CA5A: variants seen among roughly 807,000 people sequenced by gnomAD.
CA5A encodes carbonic anhydrase 5A, also known as carbonic anhydrase 5A, mitochondrial.
In CA5A, 28 loss-of-function variants were observed where a neutral mutation model predicts 37.1. The observed-to-expected ratio is 0.75, with a 90% CI of 0.56 to 1.03. The LOEUF (loss-of-function observed/expected upper bound fraction) is 1.03. Among genes scored for constraint, CA5A ranks in the 50% least tolerant of loss-of-function variants. CA5A has a pLI of 0.00. For synonymous variants in CA5A, 171 were observed against 158.4 expected (o/e 1.08, Z -0.60); for missense variants, 444 against 399.9 (o/e 1.11, Z -0.94).
intron 5 of CA5A, among the ~76,000 whole-genome samples, chr16:87,897,724 A>G (rs765523330): frequency 1.6e-4 from 25 of 152,094 alleles, no homozygotes; most frequent in Non-Finnish European, 3.5e-4. Flanking sequence ...GGGTTTAAAA[A>G]CGGGCTCTTC....
At chr16:87,901,342 C>T (rs2055874446) in intron 5 of CA5A, among the ~76,000 whole-genome samples, 1 of 152,224 alleles carries the variant, frequency 6.6e-6, no homozygotes. Flanking sequence ...TTGGGAACTT[C>T]TGTTGAGCTC....
rs138626286 is a variant in CA5A at position 87,911,846 on chromosome 16, G to A, written c.341-6942C>T. 6.6e-6 allele frequency among the ~76,000 whole-genome samples: 1 copy of A among 152,286 alleles called. No homozygotes were observed. Among genetic ancestry groups the A allele is most frequent in the Non-Finnish European group, 1.5e-5 (1 of 68,020 alleles). On this transcript the variant is annotated intron_variant, in intron 2 of 6. Coordinates refer to ENST00000649794, the MANE Select transcript of CA5A (RefSeq NM_001739.2). This position sits in a 1 kb window ranked among gnomAD's most constrained non-coding sequence, Gnocchi z 4.6. ...TATAGGTCTGTGGCCCAGACTAGACGTTTATAAAAGGATAATGATGCCTAC... is the reference window on the plus strand; with the variant it reads ...TATAGGTCTGTGGCCCAGACTAGACATTTATAAAAGGATAATGATGCCTAC...
At chr16:87,881,994 T>G (rs1271463688) in intron 4 of CA5A, 2 of 152,296 alleles carry the variant, frequency 1.3e-5, no homozygotes, top group Non-Finnish European at 2.9e-5. Context: ...TCTTGGTGTC[T>G]TGTTGGACAC....
chr16:87,919,183 C>G (rs567814257), intron 2 of CA5A, among the ~76,000 whole-genome samples: 2 of 152,336 alleles, frequency 1.3e-5, no homozygotes, highest in East Asian at 3.9e-4. Flanking sequence ...GAGACAGCAG[C>G]AGTGGCCTTG....
At chr16:87,925,517 C>G (rs952622924) in intron 2 of CA5A, 2 of 152,374 alleles carry the variant, frequency 1.3e-5, no homozygotes, top group African/African-American at 2.4e-5. Context: ...AGCACGTGGC[C>G]CAATTCCAGA....
At chr16:87,907,959 G>T (rs1032529476) in intron 2 of CA5A, among the ~76,000 whole-genome samples, 5 of 152,204 alleles carry the variant, frequency 3.3e-5, no homozygotes, top group African/African-American at 1.2e-4. Context: ...AAAAGCGGTT[G>T]TTTCCGTCTG....
At chr16:87,915,295 C>T (rs902929095) in intron 2 of CA5A, among the ~76,000 whole-genome samples, 2 of 152,110 alleles carry the variant, frequency 1.3e-5, no homozygotes, top group Non-Finnish European at 2.9e-5. Context: ...CTCCAAGGCC[C>T]AAACTGGATT....
intron 1 of CA5A, among the ~76,000 whole-genome samples, chr16:87,930,897 C>T (rs995911908): frequency 1.7e-4 from 26 of 151,934 alleles, no homozygotes; most frequent in African/African-American, 5.8e-4. Flanking sequence ...TGTGCCACCA[C>T]GCCTGGGGAA....
chr16:87,901,283 C>T (rs1300429564), intron 5 of CA5A, among the ~76,000 whole-genome samples: 2 of 152,188 alleles, frequency 1.3e-5, no homozygotes, highest in Non-Finnish European at 2.9e-5. Context: ...GTCCCATTGG[C>T]AGGCAGATAT....
At chr16:87,903,670 A>G (rs187321487) in intron 3 of CA5A, among the ~76,000 whole-genome samples, 141 of 152,298 alleles carry the variant, frequency 9.3e-4, no homozygotes, top group African/African-American at 3.3e-3. Context: ...AGCAATTTTC[A>G]TTTTTTGGTT....
At chr16:87,898,730 T>C (rs1386027919) in intron 5 of CA5A, among the ~76,000 whole-genome samples, 1 of 101,980 alleles carries the variant, frequency 9.8e-6, no homozygotes, top group Non-Finnish European at 1.9e-5. Flanking sequence ...CTAGTGTGGA[T>C]TTTTTTTTTT....
At chr16:87,934,750 G>A (rs1357202706) in intron 1 of CA5A, among the ~76,000 whole-genome samples, 3 of 152,098 alleles carry the variant, frequency 2.0e-5, no homozygotes, top group African/African-American at 4.8e-5. Context: ...ACCTGAGGTC[G>A]GGAGTTTGAG....
chr16:87,930,929 C>T (rs138740148), intron 1 of CA5A, among the ~76,000 whole-genome samples: 342 of 151,712 alleles, frequency 2.3e-3, no homozygotes, highest in Non-Finnish European at 3.8e-3. Context: ...TTAGTAGAGA[C>T]GGGGTTTCAC....
At chr16:87,907,645 C>G (rs1489968138) in intron 2 of CA5A, among the ~76,000 whole-genome samples, 2 of 152,282 alleles carry the variant, frequency 1.3e-5, no homozygotes, top group African/African-American at 2.4e-5. Context: ...TGTTTCTAGG[C>G]TGGGTGTGGT....
chr16:87,904,639 C>A, intron 3 of CA5A, 147 bp downstream of exon 3: 2 of 559,218 alleles, frequency 3.6e-6, no homozygotes, highest in Non-Finnish European at 6.5e-6. Context: ...GGTGGGGCGG[C>A]CGACGGTTCT....
chr16:87,896,521 C>T (rs570910946), intron 5 of CA5A, among the ~76,000 whole-genome samples: 11 of 152,198 alleles, frequency 7.2e-5, no homozygotes, highest in Non-Finnish European at 1.0e-4. Flanking sequence ...GGTGAGCACA[C>T]CAATGAGGCT....
In CA5A at chr16:87,931,135, T is replaced by C. The variant is rs150861005; in HGVS notation, c.143-4190A>G. Among the ~76,000 whole-genome samples, 699 of 147,608 alleles carry C rather than the reference T, an allele frequency of 4.7e-3. 7 individuals carry two copies. Among genetic ancestry groups the C allele is most frequent in the African/African-American group, 0.016 (659 of 39,982 alleles). Reference sequence around the variant, plus strand: ...AATTTTTTTTTTTTTTTTTTGAGATTGAGTCTCACTCTGTTGCCAGGGCTG... The same window carrying C: ...AATTTTTTTTTTTTTTTTTTGAGATCGAGTCTCACTCTGTTGCCAGGGCTG... On this transcript the variant is annotated intron_variant, in intron 1 of 6. Transcript: ENST00000649794.
chr16:87,888,845 C>G (rs186983429), intron 6 of CA5A, among the ~76,000 whole-genome samples: 6 of 152,216 alleles, frequency 3.9e-5, no homozygotes, highest in Non-Finnish European at 7.4e-5. Flanking sequence ...CTCCGCCTCC[C>G]AGGTTCAAGC....
rs1444048009 is a variant in CA5A at position 87,932,340 on chromosome 16, C to T, written c.142+3969G>A. Among the ~76,000 whole-genome samples the T allele has an allele frequency of 2.6e-5, 4 of 152,318 alleles. No individual in the cohort carries two copies. In the East Asian group the frequency reaches 7.7e-4, roughly 29 times the overall value. On this transcript the variant is annotated intron_variant, in intron 1 of 6. Coordinates refer to ENST00000649794, the MANE Select transcript of CA5A (RefSeq NM_001739.2). The stretch of plus-strand genomic sequence containing the variant: ...AGACCAGAGACGCAGGCTTCCCTGG[C>T]TCACAGAGACACAGGTTGTGGGAAG...
Sources: allele counts gnomAD v4.1 joint callset (sites outside exome capture counted in the v4.1 genomes callset), GRCh38; gene constraint gnomAD v4.1.1; non-coding constraint Gnocchi (gnomAD v3.1); transcripts MANE v1.5; gene names NCBI Gene and HGNC (gene_info 2026-07-23, HGNC 2026-07-21).